ANK1: variants seen among roughly 807,000 people sequenced by gnomAD.
The protein encoded by ANK1 is ankyrin-1.
ANK1 carries 51 observed loss-of-function variants against 210.4 expected under a neutral mutation model. That is an observed-to-expected ratio of 0.24 (90% CI 0.19 to 0.31). The LOEUF is 0.31. Ranked by LOEUF, ANK1 falls within the 10% of genes least tolerant of loss-of-function variation. The pLI is 1.00. For synonymous variants in ANK1, 967 were observed against 1,025.9 expected, an observed-to-expected ratio of 0.94 and a Z score of 1.10; for missense variants, 2,051 against 2,504.4, an observed-to-expected ratio of 0.82 and a Z score of 3.86.
chr8:41,846,058 G>A (rs1227453840), intron 1 of ANK1, among the ~76,000 whole-genome samples: 1 of 152,198 alleles, frequency 6.6e-6, no homozygotes, highest in Non-Finnish European at 1.5e-5. Flanking sequence ...CACAATGATG[G>A]ACCAGCCAGG....
chr8:41,713,125 T>C (rs940414582), intron 16 of ANK1, among the ~76,000 whole-genome samples: 1 of 152,236 alleles, frequency 6.6e-6, no homozygotes, highest in Non-Finnish European at 1.5e-5. Context: ...AGCCAGCAGG[T>C]GTTGGCTGGA....
intron 1 of ANK1, 59 bp from the exon 2 acceptor site, chr8:41,758,196 C>G (rs1295338658): frequency 6.8e-7 from 1 of 1,476,716 alleles, no homozygotes; most frequent in Non-Finnish European, 9.4e-7. Flanking sequence ...TTCTCCACCC[C>G]GTTCAAGTCC....
chr8:41,819,083 C>T (rs1483647073), intron 1 of ANK1, among the ~76,000 whole-genome samples: 1 of 152,244 alleles, frequency 6.6e-6, no homozygotes, highest in Admixed American at 6.5e-5. Context: ...TCACTGGTTT[C>T]TCATAAATAA....
At chr8:41,858,958 G>A (rs1430408381) in intron 1 of ANK1, among the ~76,000 whole-genome samples, 1 of 152,228 alleles carries the variant, frequency 6.6e-6, no homozygotes, top group Non-Finnish European at 1.5e-5. Context: ...CTGCAAGGAG[G>A]GAGGCCAGAC....
rs1457615257 is a variant in ANK1, at chr8:41,654,008, G to A, written c.*1782C>T. ...CTCCGCTCACAGGCCCCGCGGCCAGGGGGCCTCTGACGTGGAGGGGGCTTC... is the reference window on the plus strand; with the variant it reads ...CTCCGCTCACAGGCCCCGCGGCCAGAGGGCCTCTGACGTGGAGGGGGCTTC... On this transcript the variant is annotated 3_prime_UTR_variant, in exon 43 of 43. Transcript: ENST00000289734. 1 of 152,222 alleles carries A rather than the reference G, an allele frequency of 6.6e-6. No individual in the cohort carries two copies. The highest frequency in any genetic ancestry group is 1.5e-5 in the Non-Finnish European group (1 of 68,026). The allele number at this position is 152,222 out of a possible 1,614,324, so 9.4% of individuals were successfully genotyped here.
chr8:41,873,776 T>C (rs1816020480), intron 1 of ANK1, among the ~76,000 whole-genome samples: 2 of 152,206 alleles, frequency 1.3e-5, no homozygotes, highest in Non-Finnish European at 2.9e-5. Flanking sequence ...CTCAGAGACC[T>C]TGGATGCTGC....
At chr8:41,805,778 T>A (rs1850877070) in intron 1 of ANK1, among the ~76,000 whole-genome samples, 1 of 152,228 alleles carries the variant, frequency 6.6e-6, no homozygotes, top group Non-Finnish European at 1.5e-5. Flanking sequence ...CTGTTTAACA[T>A]CTGGCTTAAG....
intron 24 of ANK1, 143 bp from the exon 25 acceptor site, chr8:41,696,916 C>T: frequency 1.3e-6 from 1 of 799,768 alleles, no homozygotes; most frequent in Non-Finnish European, 2.1e-6. Flanking sequence ...CCCCACCGCC[C>T]TGTCAGACAA....
intron 1 of ANK1, among the ~76,000 whole-genome samples, chr8:41,821,948 G>T (rs1804334251): frequency 6.6e-6 from 1 of 152,012 alleles, no homozygotes; most frequent in East Asian, 1.9e-4. Context: ...TACGCCGGAG[G>T]CTGAGGCAAG....
chr8:41,878,739 G>T (rs931939156), intron 1 of ANK1, among the ~76,000 whole-genome samples: 1 of 152,130 alleles, frequency 6.6e-6, no homozygotes, highest in South Asian at 2.1e-4. Flanking sequence ...GTTGTCCACC[G>T]ATAAAGCCAG....
intron 2 of ANK1, among the ~76,000 whole-genome samples, chr8:41,741,338 C>A (rs1274816120): frequency 6.6e-6 from 1 of 152,152 alleles, no homozygotes; most frequent in Non-Finnish European, 1.5e-5. Flanking sequence ...TCCTCTGGCT[C>A]CTGACGTAGC....
At position 41,692,751 on chromosome 8, in the gene ANK1, C is replaced by T. The variant is rs768749731; in HGVS notation, c.3755G>A (p.Arg1252Gln). ...FVIFAKMNDP[R>Q]EGRLRCYCMT... is the part of the protein sequence containing the mutation. Reference sequence around the variant, plus strand: ...GCAGTAGCAGCGCAGGCGCCCCTCTCGGGGGTCATTCATCTTGGCAAAGAT... The same window carrying T: ...GCAGTAGCAGCGCAGGCGCCCCTCTTGGGGGTCATTCATCTTGGCAAAGAT... The change falls in exon 31 of 43, where the codon CGA (arginine) becomes CAA (glutamine). Residue 1252 changes from arginine to glutamine, a missense_variant. Around this residue, in one of 6 missense-constraint regions of ANK1, gnomAD observed 1,413 missense variants for 1,707.4 expected, o/e 0.83. Transcript: ENST00000289734. 3.7e-6 allele frequency: 6 copies of T among 1,613,934 alleles called. No homozygotes were observed. The highest frequency in any genetic ancestry group is 2.7e-5 in the African/African-American group (2 of 74,896).
At chr8:41,714,836 G>A in intron 15 of ANK1, 140 bp downstream of exon 15, 1 of 876,820 alleles carries the variant, frequency 1.1e-6, no homozygotes, top group South Asian at 1.5e-5. Context: ...CTCCAGCCTG[G>A]GCAACAGAGC....
upstream of ANK1, among the ~76,000 whole-genome samples, chr8:41,801,365 A>T (rs1037906696): frequency 6.6e-6 from 1 of 152,210 alleles, no homozygotes; most frequent in Admixed American, 6.5e-5. Context: ...CGTGTGTGAG[A>T]TCTTTCTAGT....
At chr8:41,750,677 C>A (rs1268600465) in intron 2 of ANK1, among the ~76,000 whole-genome samples, 1 of 152,068 alleles carries the variant, frequency 6.6e-6, no homozygotes, top group East Asian at 1.9e-4. Context: ...CCTTAAGGTG[C>A]CTACAATTTA....
rs914358197 is a variant in ANK1 at position 41,797,142 on chromosome 8, C to T, written c.27+370G>A. On this transcript the variant is annotated intron_variant, in intron 1 of 42. Transcript: ENST00000289734. This position sits in a 1 kb window ranked among gnomAD's most constrained non-coding sequence, Gnocchi z 4.0. ...AGCCTGTAATAACACACCTACAAAA[C>T]GCAGTTTAGCAGACTCAAAGGAAAG... Among the ~76,000 whole-genome samples, 1 of 152,158 alleles carries T rather than the reference C, an allele frequency of 6.6e-6. No individual in the cohort carries two copies. The highest frequency in any genetic ancestry group is 1.5e-5 in the Non-Finnish European group (1 of 68,036).
chr8:41,772,970 T>G (rs1033213753), intron 1 of ANK1, among the ~76,000 whole-genome samples: 1 of 151,920 alleles, frequency 6.6e-6, no homozygotes, highest in Admixed American at 6.6e-5. Flanking sequence ...AGCATCGCTG[T>G]TGGGGAAATG....
chr8:41,727,543 C>T (rs1287362396), intron 4 of ANK1, among the ~76,000 whole-genome samples, 195 bp from the exon 5 acceptor site: 1 of 152,166 alleles, frequency 6.6e-6, no homozygotes, highest in Admixed American at 6.5e-5. Context: ...GGCTGTGCCT[C>T]CCCTCGCCAC....
intron 1 of ANK1, among the ~76,000 whole-genome samples, chr8:41,787,325 A>G (rs1264611729): frequency 1.3e-5 from 2 of 152,230 alleles, no homozygotes; most frequent in Non-Finnish European, 2.9e-5. Flanking sequence ...TTTGGTAATG[A>G]AAAGCCTCCC....
Sources: allele counts gnomAD v4.1 joint callset (sites outside exome capture counted in the v4.1 genomes callset), GRCh38; gene constraint gnomAD v4.1.1; regional missense constraint gnomAD v4.1.1; non-coding constraint Gnocchi (gnomAD v3.1); transcripts MANE v1.5; gene names NCBI Gene and HGNC (gene_info 2026-07-23, HGNC 2026-07-21).